KHDC4: variants seen among roughly 807,000 people sequenced by gnomAD.
The protein encoded by KHDC4 is KH domain containing 4, pre-mRNA splicing factor, also known as KH homology domain-containing protein 4.
In KHDC4, 19 loss-of-function variants were observed where a neutral mutation model predicts 74.5. The ratio of observed to expected loss-of-function variants is 0.26; its 90% CI spans 0.18 to 0.37. The LOEUF is 0.37. KHDC4 is among the 10% of genes least tolerant of loss of function. KHDC4 has a pLI of 1.00. For synonymous variants in KHDC4, 253 were observed against 266.1 expected, an observed-to-expected ratio of 0.95 and a Z score of 0.48; for missense variants, 632 against 754.1, an observed-to-expected ratio of 0.84 and a Z score of 1.90.
At chr1:155,928,927 G>C (rs1467342671) in intron 4 of KHDC4, among the ~76,000 whole-genome samples, 1 of 149,726 alleles carries the variant, frequency 6.7e-6, no homozygotes, top group Non-Finnish European at 1.5e-5. Flanking sequence ...ACTATAGCCT[G>C]GGCGACAGAG....
chr1:155,933,219 G>GT (rs1255335781), intron 2 of KHDC4, among the ~76,000 whole-genome samples: 1 of 151,862 alleles, frequency 6.6e-6, no homozygotes, highest in African/African-American at 2.4e-5. Flanking sequence ...AAAACTAAAT[G>GT]ATCTCTCAAC....
rs749741173 is a variant in KHDC4 at position 155,915,914 on chromosome 1, G to C, written c.1604C>G (p.Ser535Cys). 8 of 1,601,866 alleles carry C rather than the reference G, an allele frequency of 5.0e-6. No individual in the cohort carries two copies. The African/African-American group carries it at 1.1e-4, about 22-fold the overall frequency. Residue 535 changes from serine to cysteine, a missense_variant, in exon 13 of 14, where the codon TCC (serine) becomes TGC (cysteine). Coordinates refer to ENST00000368321, the MANE Select transcript of KHDC4 (RefSeq NM_014949.4). ...GGTCCCAGACCCATTCCTTTCATCGGACTCTGTTTTTATTCCAGTCACTGG... is the reference window on the plus strand; with the variant it reads ...GGTCCCAGACCCATTCCTTTCATCGCACTCTGTTTTTATTCCAGTCACTGG... ...AFPVTGIKTE[S>C]DERNGSGTLT...
Position 155,923,717 on chromosome 1 carries a change from A to G in KHDC4, c.894-30T>C, listed in dbSNP as rs545416532. The G allele has an allele frequency of 2.6e-6, 4 of 1,544,478 alleles. No homozygotes were observed. The East Asian group carries it at 6.7e-5, about 26-fold the overall frequency. ...AAAGAAATAACCAGGAATTCAAAGG[A>G]GAGAAAAATAAATAAAAGATGCAGA... is the stretch of plus-strand genomic sequence containing the variant. On this transcript the variant is annotated intron_variant, in intron 7 of 13. Transcript: ENST00000368321.
chr1:155,915,875 T>C lies in KHDC4; in HGVS notation c.1643A>G (p.His548Arg). 6.3e-7 allele frequency: 1 copy of C among 1,584,944 alleles called. No individual in the cohort carries two copies. Among genetic ancestry groups the C allele is most frequent in the Non-Finnish European group, 8.6e-7 (1 of 1,162,024 alleles). The change falls in exon 13 of 14, where the codon CAT (histidine) becomes CGT (arginine). Residue 548 changes from histidine to arginine, a missense_variant and splice_region_variant. Transcript: ENST00000368321. ...RNGSGTLTGSHDYPAKKMKTT... is the reference protein window; with the variant it reads ...RNGSGTLTGSRDYPAKKMKTT... ...TCCCCCAGCTATATCACACTCACCA[T>C]GGCTCCCTGTTAAGGTCCCAGACCC...
At chr1:155,929,419 G>C in intron 3 of KHDC4, 44 bp from the exon 4 acceptor site, 1 of 1,445,446 alleles carries the variant, frequency 6.9e-7, no homozygotes, top group Non-Finnish European at 9.7e-7. Context: ...GCAATTGGTT[G>C]ATTTCAATGG....
intron 8 of KHDC4, 54 bp from the exon 9 acceptor site, chr1:155,921,972 C>T: frequency 1.8e-6 from 2 of 1,124,276 alleles, no homozygotes; most frequent in Non-Finnish European, 1.3e-6. Context: ...TGTGCATTTA[C>T]AAGGGTCTGA....
In KHDC4 at chr1:155,914,119, T is replaced by C. The variant is rs768580229; in HGVS notation, c.*2A>G. Reference sequence around the variant, plus strand: ...AGGGTCAAAACTCTGTTCCACTGTTTCCTAGGGAGCCATCCAGAATGGCAT... The same window carrying C: ...AGGGTCAAAACTCTGTTCCACTGTTCCCTAGGGAGCCATCCAGAATGGCAT... On this transcript the variant is annotated 3_prime_UTR_variant, in exon 14 of 14. Transcript: ENST00000368321. The C allele has an allele frequency of 2.5e-6, 4 of 1,613,106 alleles. No homozygotes were observed. The Admixed American group carries it at 6.7e-5, about 27-fold the overall frequency.
chr1:155,919,828 AAAAATAAAATAAATAAAT>A (rs1673816019), intron 10 of KHDC4: 2 of 170,412 alleles, frequency 1.2e-5, no homozygotes, highest in South Asian at 1.5e-4. Flanking sequence ...AATAATAAAC[AAAAATAAAATAAATAAAT>A]AAAATAAAAT....
chr1:155,920,200 G>A (rs1673827909), intron 10 of KHDC4, among the ~76,000 whole-genome samples: 1 of 152,170 alleles, frequency 6.6e-6, no homozygotes, highest in Non-Finnish European at 1.5e-5. Flanking sequence ...AGGACTTGGG[G>A]AGGCAGAGGC....
intron 6 of KHDC4, 63 bp from the exon 7 acceptor site, chr1:155,925,906 A>G (rs1175813974): frequency 3.1e-6 from 4 of 1,293,374 alleles, no homozygotes; most frequent in Non-Finnish European, 4.5e-6. Flanking sequence ...CAATCTTTGA[A>G]ATAAGTCAAT....
rs902478570 is a variant in KHDC4, at chr1:155,923,089, C to T, written c.954+538G>A. Among the ~76,000 whole-genome samples, 203 of 151,412 alleles carry T rather than the reference C, an allele frequency of 1.3e-3. 2 individuals carry two copies. The highest frequency in any genetic ancestry group is 4.7e-3 in the African/African-American group (195 of 41,324). On this transcript the variant is annotated intron_variant, in intron 8 of 13. Coordinates refer to ENST00000368321, the MANE Select transcript of KHDC4 (RefSeq NM_014949.4). ...GCGTAGTGGCGGGCGCCTGTAGTCC[C>T]AGCTACTTGGGAGGCTGAGGCAGGA...
Position 155,925,705 on chromosome 1 carries a change from G to A in KHDC4, c.820C>T (p.Arg274Trp), listed in dbSNP as rs1319216176. 6.2e-7 allele frequency: 1 copy of A among 1,614,104 alleles called. No homozygotes were observed. Among genetic ancestry groups the A allele is most frequent in the Non-Finnish European group, 8.5e-7 (1 of 1,180,024 alleles). The change falls in exon 7 of 14, where the codon CGG (arginine) becomes TGG (tryptophan). Residue 274 changes from arginine to tryptophan, a missense_variant. Around this residue, in one of 4 missense-constraint regions of KHDC4, gnomAD observed 233 missense variants for 342.6 expected, o/e 0.68. Coordinates refer to ENST00000368321, the MANE Select transcript of KHDC4 (RefSeq NM_014949.4). ...QIETGAKVFL[R>W]GKGSGCIEPA... is the part of the protein sequence containing the mutation. ...TCAATGCAGCCTGAACCTTTGCCCC[G>A]CAGGAAGACTTTGGCACCTGTTTCA... is the stretch of plus-strand genomic sequence containing the variant.
At chr1:155,916,091 C>T in intron 12 of KHDC4, 127 bp from the exon 13 acceptor site, 2 of 645,178 alleles carry the variant, frequency 3.1e-6, no homozygotes, top group Non-Finnish European at 5.3e-6. Flanking sequence ...AATTTCAACC[C>T]CTTCCACCTT....
chr1:155,925,546 G>T, intron 7 of KHDC4, 86 bp downstream of exon 7: 1 of 1,016,536 alleles, frequency 9.8e-7, no homozygotes, highest in Non-Finnish European at 1.5e-6. Context: ...ATTACACCCA[G>T]TTTTCTCTTG....
chr1:155,934,308 T>C (rs1674206477), intron 1 of KHDC4, 28 bp downstream of exon 1: 5 of 1,605,876 alleles, frequency 3.1e-6, no homozygotes, highest in Non-Finnish European at 4.2e-6. Flanking sequence ...CAGTGCTCGC[T>C]CCGATGCCCT....
At chr1:155,914,869 G>GT (rs1673698369) in intron 13 of KHDC4, 1 of 153,034 alleles carries the variant, frequency 6.5e-6, no homozygotes, top group African/African-American at 2.4e-5. Flanking sequence ...TATTAAGTCC[G>GT]TATCAGATGA....
chr1:155,934,368 G>C lies in KHDC4; in HGVS notation c.6C>G (p.Ser2=). The change falls in exon 1 of 14, where the codon TCC becomes TCG. Residue 2 remains serine (S), a synonymous_variant. Coordinates refer to ENST00000368321, the MANE Select transcript of KHDC4 (RefSeq NM_014949.4). The part of the protein sequence containing the change: M[S]AGSATHPGAG... The stretch of plus-strand genomic sequence containing the variant: ...CTCCAGGATGTGTCGCGCTCCCCGC[G>C]GACATGGCGACCGCTTCTACTCAAC... The C allele has an allele frequency of 1.9e-6, 3 of 1,611,678 alleles. No individual in the cohort carries two copies. Among genetic ancestry groups the C allele is most frequent in the South Asian group, 1.1e-5 (1 of 91,040 alleles).
At position 155,925,739 on chromosome 1, in the gene KHDC4, G is replaced by A. The variant is rs371566920; in HGVS notation, c.786C>T (p.His262=). The change falls in exon 7 of 14, where the codon CAC becomes CAT. Residue 262 remains histidine, a synonymous_variant. Transcript: ENST00000368321. ...CTTTGGCACCTGTTTCAATCTGAATGTGCTGCAAATAGGAGCAGCCTGGAC... is the reference window on the plus strand; with the variant it reads ...CTTTGGCACCTGTTTCAATCTGAATATGCTGCAAATAGGAGCAGCCTGGAC... The part of the protein sequence containing the change: ...VEGPGCSYLQ[H]IQIETGAKVF... The A allele has an allele frequency of 3.7e-6, 6 of 1,614,072 alleles. No homozygotes were observed. Among genetic ancestry groups the A allele is most frequent in the Non-Finnish European group, 5.1e-6 (6 of 1,180,022 alleles).
At chr1:155,914,454 A>G in intron 13 of KHDC4, 134 bp from the exon 14 acceptor site, 2 of 684,140 alleles carry the variant, frequency 2.9e-6, no homozygotes, top group Non-Finnish European at 2.4e-6. Flanking sequence ...CACAGGGTCA[A>G]TGGTCACCCA....
Sources: gnomAD v4.1 joint callset for allele counts (sites outside exome capture counted in the v4.1 genomes callset) on GRCh38, gnomAD v4.1.1 for gene constraint, gnomAD v4.1.1 regional missense constraint, MANE v1.5 for transcripts, NCBI Gene and HGNC (gene_info 2026-07-23, HGNC 2026-07-21) for gene names.